The following PTGFR variants were observed in gnomAD, a reference collection of about 807,000 sequenced individuals.
The protein encoded by PTGFR is prostaglandin F2-alpha receptor.
In PTGFR, 15 loss-of-function variants were observed where a neutral mutation model predicts 26.2. The observed-to-expected ratio is 0.57, with a 90% CI of 0.38 to 0.88. The LOEUF (loss-of-function observed/expected upper bound fraction) is 0.88. Among genes scored for constraint, PTGFR ranks in the 40% least tolerant of loss-of-function variants. The pLI, the probability that PTGFR is intolerant of heterozygous loss-of-function variation, is 0.00. For missense variants in PTGFR, 369 were observed against 427.2 expected (o/e 0.86, Z 1.20); for synonymous variants, 165 against 151.1 (o/e 1.09, Z -0.68).
chr1:78,526,077 G>T (rs942767537), intron 2 of PTGFR, among the ~76,000 whole-genome samples: 7 of 151,992 alleles, frequency 4.6e-5, no homozygotes, highest in African/African-American at 1.7e-4. Context: ...TAGACTTACA[G>T]TATGCCTTTA....
chr1:78,518,740 G>A (rs1377500896), intron 2 of PTGFR, among the ~76,000 whole-genome samples: 1 of 151,854 alleles, frequency 6.6e-6, no homozygotes, highest in Non-Finnish European at 1.5e-5. Context: ...TTTTTTTCAT[G>A]ATTGATTTTA....
At chr1:78,531,741 T>C (rs991594004) in intron 2 of PTGFR, among the ~76,000 whole-genome samples, 28 of 152,148 alleles carry the variant, frequency 1.8e-4, no homozygotes, top group African/African-American at 6.5e-4. Flanking sequence ...CCTGTGCTTG[T>C]AATTGCCTGT....
intron 2 of PTGFR, among the ~76,000 whole-genome samples, chr1:78,504,513 C>A (rs1257854349): frequency 6.6e-6 from 1 of 151,896 alleles, no homozygotes; most frequent in Non-Finnish European, 1.5e-5. Flanking sequence ...ATTATAAAAG[C>A]AGTTGTTTGT....
chr1:78,522,622 C>T (rs1650274319), intron 2 of PTGFR, among the ~76,000 whole-genome samples: 1 of 151,982 alleles, frequency 6.6e-6, no homozygotes, highest in Non-Finnish European at 1.5e-5. Flanking sequence ...TTGTTTTAGG[C>T]TTTTAGCAGA....
chr1:78,494,839 C>A (rs1295209505), intron 2 of PTGFR, among the ~76,000 whole-genome samples: 1 of 152,100 alleles, frequency 6.6e-6, no homozygotes, highest in Admixed American at 6.6e-5. Context: ...CTCCTGACCT[C>A]GTAATCCTTC....
At chr1:78,521,996 G>C (rs895178148) in intron 2 of PTGFR, among the ~76,000 whole-genome samples, 1 of 152,076 alleles carries the variant, frequency 6.6e-6, no homozygotes, top group African/African-American at 2.4e-5. Flanking sequence ...TCTCTGCTCA[G>C]GGTCTCAACA....
intron 2 of PTGFR, among the ~76,000 whole-genome samples, chr1:78,530,797 T>C (rs1187523532): frequency 6.6e-6 from 1 of 152,168 alleles, no homozygotes; most frequent in Non-Finnish European, 1.5e-5. Flanking sequence ...CTGGGAATGG[T>C]GTAGTGGAAG....
Position 78,524,634 on chromosome 1 carries a change from G to A in PTGFR, c.799-11772G>A, listed in dbSNP as rs542065912. Among the ~76,000 whole-genome samples the A allele has an allele frequency of 2.5e-3, 381 of 152,080 alleles. 5 individuals are homozygous for A. The highest frequency in any genetic ancestry group is 3.2e-3 in the Non-Finnish European group (215 of 67,960). Reference sequence around the variant, plus strand: ...CTAGTGAACAATGTCCTAACTAAAGGAGCTTGGGAATCACAGTGTAATTTT... The same window carrying A: ...CTAGTGAACAATGTCCTAACTAAAGAAGCTTGGGAATCACAGTGTAATTTT... On this transcript the variant is annotated intron_variant, in intron 2 of 2. Transcript: ENST00000370757.
intron 1 of PTGFR, among the ~76,000 whole-genome samples, chr1:78,491,927 G>A (rs531978831): frequency 8.6e-5 from 13 of 151,938 alleles, no homozygotes; most frequent in Admixed American, 7.2e-4. Context: ...CAAATACTTC[G>A]CCTTGAATGT....
rs1277410019 is a variant in PTGFR at position 78,521,201 on chromosome 1, C to T, written c.799-15205C>T. Among the ~76,000 whole-genome samples, 5 of 152,218 alleles carry T rather than the reference C, an allele frequency of 3.3e-5. No individual in the cohort carries two copies. In the East Asian group the frequency reaches 9.7e-4, roughly 29 times the overall value. On this transcript the variant is annotated intron_variant, in intron 2 of 2. Transcript: ENST00000370757. ...ATTATACTCCAAAGGAATTACATTC[C>T]TTTTCCCCCGATTATGGGAAAAACA... is the stretch of plus-strand genomic sequence containing the variant.
At chr1:78,505,773 G>T (rs2100363351) in intron 2 of PTGFR, among the ~76,000 whole-genome samples, 1 of 152,246 alleles carries the variant, frequency 6.6e-6, no homozygotes, top group East Asian at 1.9e-4. Context: ...TGCATAAACG[G>T]AATCTTACAA....
In PTGFR at chr1:78,536,756, G is replaced by C; in HGVS notation, c.*69G>C. 6.8e-7 allele frequency: 1 copy of C among 1,479,236 alleles called. No individual in the cohort carries two copies. Among genetic ancestry groups the C allele is most frequent in the African/African-American group, 1.4e-5 (1 of 70,912 alleles). The allele number at this position is 1,479,236 out of a possible 1,614,324, so 91.6% of individuals were successfully genotyped here. A position where few individuals can be genotyped will look rare whatever the true frequency, so the allele number is the denominator to read the frequency against. ...GACATGTTTGGCAATATTTCAGTTAGTTAAATACCTGTAGCCTAACTGGAA... is the reference window on the plus strand; with the variant it reads ...GACATGTTTGGCAATATTTCAGTTACTTAAATACCTGTAGCCTAACTGGAA... On this transcript the variant is annotated 3_prime_UTR_variant, in exon 3 of 3. Coordinates refer to ENST00000370757, the MANE Select transcript of PTGFR (RefSeq NM_000959.4).
At position 78,536,847 on chromosome 1, in the gene PTGFR, T is replaced by C; in HGVS notation, c.*160T>C. 3 of 828,430 alleles carry C rather than the reference T, an allele frequency of 3.6e-6. No individual in the cohort carries two copies. The highest frequency in any genetic ancestry group is 2.0e-5 in the South Asian group (1 of 49,812). 51.3% of individuals were successfully genotyped at this position (828,430 alleles called of 1,614,324 possible). A position where few individuals can be genotyped will look rare whatever the true frequency, so the allele number is the denominator to read the frequency against. On this transcript the variant is annotated 3_prime_UTR_variant, in exon 3 of 3. Coordinates refer to ENST00000370757, the MANE Select transcript of PTGFR (RefSeq NM_000959.4). Reference sequence around the variant, plus strand: ...GATTCAGGTTTTGAAATTTGTCAAATAAACAGGATAACTGTACATTTTTCA... The same window carrying C: ...GATTCAGGTTTTGAAATTTGTCAAACAAACAGGATAACTGTACATTTTTCA...
At chr1:78,495,877 T>C (rs1389317345) in intron 2 of PTGFR, among the ~76,000 whole-genome samples, 1 of 152,208 alleles carries the variant, frequency 6.6e-6, no homozygotes, top group African/African-American at 2.4e-5. Context: ...GGAAACAAAG[T>C]TTCACTTTTA....
At chr1:78,523,886 A>G (rs1650305857) in intron 2 of PTGFR, among the ~76,000 whole-genome samples, 1 of 152,070 alleles carries the variant, frequency 6.6e-6, no homozygotes, top group South Asian at 2.1e-4. Context: ...TTAAATGTTG[A>G]ATGATACACT....
intron 2 of PTGFR, among the ~76,000 whole-genome samples, chr1:78,499,025 C>T (rs35123627): frequency 0.13 from 20,497 of 152,088 alleles, 1,796 homozygotes; most frequent in Non-Finnish European, 0.2. Flanking sequence ...GTAGTGTAAT[C>T]GTGGGAATTC....
In PTGFR at chr1:78,538,402, T is replaced by G. The variant is rs150176323; in HGVS notation, c.*1715T>G. On this transcript the variant is annotated 3_prime_UTR_variant, in exon 3 of 3. Coordinates refer to ENST00000370757, the MANE Select transcript of PTGFR (RefSeq NM_000959.4). The stretch of plus-strand genomic sequence containing the variant: ...GAGGAGATCTTGCAACATGGCCATG[T>G]GCAAGGCTTTAAGGAGTGAGAGAGA... 11 of 152,100 alleles carry G rather than the reference T, an allele frequency of 7.2e-5. No individual in the cohort carries two copies. The highest frequency in any genetic ancestry group is 1.5e-4 in the Non-Finnish European group (10 of 67,952). 9.4% of individuals were successfully genotyped at this position (152,100 alleles called of 1,614,324 possible).
At chr1:78,533,583 C>T (rs1466020838) in intron 2 of PTGFR, among the ~76,000 whole-genome samples, 2 of 152,164 alleles carry the variant, frequency 1.3e-5, no homozygotes, top group East Asian at 1.9e-4. Context: ...CCATCTAGCA[C>T]GATGCCTACA....
chr1:78,511,735 C>CT (rs1219112562), intron 2 of PTGFR, among the ~76,000 whole-genome samples: 4 of 152,182 alleles, frequency 2.6e-5, no homozygotes, highest in African/African-American at 9.6e-5. Context: ...CTGAAAAATG[C>CT]TTTTTTTCTC....
Sources: allele counts gnomAD v4.1 joint callset (sites outside exome capture counted in the v4.1 genomes callset), GRCh38; gene constraint gnomAD v4.1.1; transcripts MANE v1.5; gene names NCBI Gene and HGNC (gene_info 2026-07-23, HGNC 2026-07-21).